PLOD1: variants seen among roughly 807,000 people sequenced by gnomAD.
PLOD1 encodes lysine hydroxylase.
A neutral mutation model predicts 94.7 loss-of-function variants in PLOD1; 70 were observed. That is an observed-to-expected ratio of 0.74 (90% confidence interval 0.61 to 0.90). PLOD1 has a LOEUF of 0.90. Among genes scored for constraint, PLOD1 ranks in the 40% least tolerant of loss-of-function variants. The pLI, the probability that PLOD1 is intolerant of heterozygous loss-of-function variation, is 0.00. For missense variants in PLOD1, 905 were observed against 972.7 expected (o/e 0.93, Z 0.93); for synonymous variants, 417 against 400.2 (o/e 1.04, Z -0.50).
In PLOD1 at chr1:11,948,075, G is replaced by C. The variant is rs767453933; in HGVS notation, c.168+8G>C. 1.3e-6 allele frequency: 2 copies of C among 1,593,826 alleles called. No homozygotes were observed. The highest frequency in any genetic ancestry group is 1.7e-6 in the Non-Finnish European group (2 of 1,161,536). On this transcript the variant is annotated splice_region_variant and intron_variant, in intron 2 of 18. Coordinates refer to ENST00000196061, the MANE Select transcript of PLOD1 (RefSeq NM_000302.4). ...TTCAACTACAAGATCCAGGTAAGGG[G>C]TTTCCTGGGTGAGGCAGAGACAGTG...
rs1198690797 is a variant in PLOD1 at position 11,960,643 on chromosome 1, C to T, written c.976-3C>T. On this transcript the variant is annotated splice_polypyrimidine_tract_variant and splice_region_variant and intron_variant, in intron 9 of 18. Coordinates refer to ENST00000196061, the MANE Select transcript of PLOD1 (RefSeq NM_000302.4). ...GCATCCCCTTCCCCATCCCCAACCC[C>T]AGGAGCAGCACCACAAGGCTCAGGT... 10 of 1,611,172 alleles carry T rather than the reference C, an allele frequency of 6.2e-6. No homozygotes were observed. The highest frequency in any genetic ancestry group is 2.0e-4 in the Middle Eastern group (1 of 4,948).
At chr1:11,961,237 T>C (rs1350672600) in intron 10 of PLOD1, among the ~76,000 whole-genome samples, 2 of 148,320 alleles carry the variant, frequency 1.3e-5, no homozygotes, top group Non-Finnish European at 3.0e-5. Context: ...TAAAAAAAAA[T>C]AGCCAAGTGT....
chr1:11,935,355 A>T (rs1439248617), intron 1 of PLOD1, among the ~76,000 whole-genome samples: 2 of 152,016 alleles, frequency 1.3e-5, no homozygotes, highest in Non-Finnish European at 2.9e-5. Flanking sequence ...CATGGGAATG[A>T]GGGGTCTTGA....
At chr1:11,951,621 TTATATAATA>T (rs1645702850) in intron 4 of PLOD1, among the ~76,000 whole-genome samples, 1 of 146,220 alleles carries the variant, frequency 6.8e-6, no homozygotes, top group South Asian at 2.1e-4. Context: ...ATATAATAAT[TTATATAATA>T]TATATAATAT....
intron 16 of PLOD1, among the ~76,000 whole-genome samples, chr1:11,967,739 TTTAATTAA>T (rs202048268): frequency 0.027 from 4,045 of 147,638 alleles, 170 homozygotes; most frequent in African/African-American, 0.086. Flanking sequence ...TTTTATTTAT[TTTAATTAA>T]TTAATTAATT....
At chr1:11,942,970 G>A (rs1569671056) in intron 1 of PLOD1, among the ~76,000 whole-genome samples, 1 of 149,740 alleles carries the variant, frequency 6.7e-6, no homozygotes, top group Non-Finnish European at 1.5e-5. Context: ...AGTTTTTTTT[G>A]TTTGTTTGGT....
intron 17 of PLOD1, among the ~76,000 whole-genome samples, chr1:11,971,364 G>A (rs1256086609): frequency 1.3e-5 from 2 of 151,022 alleles, no homozygotes; most frequent in African/African-American, 2.4e-5. Flanking sequence ...TTGGTCCCCA[G>A]GCAGGAGTGA....
At chr1:11,947,284 G>T (rs1367354571) in intron 1 of PLOD1, among the ~76,000 whole-genome samples, 1 of 149,684 alleles carries the variant, frequency 6.7e-6, no homozygotes, top group Non-Finnish European at 1.5e-5. Context: ...AAACAACCCA[G>T]CTCTCTTGGT....
intron 1 of PLOD1, among the ~76,000 whole-genome samples, chr1:11,935,475 C>T (rs1214803779): frequency 6.6e-6 from 1 of 152,136 alleles, no homozygotes; most frequent in Non-Finnish European, 1.5e-5. Context: ...GGTGGTCTTC[C>T]TCTCTGCAGT....
intron 2 of PLOD1, among the ~76,000 whole-genome samples, chr1:11,948,903 A>G (rs975024817): frequency 1.1e-4 from 16 of 152,310 alleles, no homozygotes; most frequent in African/African-American, 3.8e-4. Flanking sequence ...CAATAGGGTG[A>G]TGGACAATAC....
At position 11,946,414 on chromosome 1, in the gene PLOD1, G is replaced by A. The variant is rs566664074; in HGVS notation, c.77-1562G>A. On this transcript the variant is annotated intron_variant, in intron 1 of 18. Coordinates refer to ENST00000196061, the MANE Select transcript of PLOD1 (RefSeq NM_000302.4). Reference sequence around the variant, plus strand: ...CTGCCCTGGCCAAAGGTCAGCAGTGGACCAGTAGATTTCAAGTCAGTTTCC... The same window carrying A: ...CTGCCCTGGCCAAAGGTCAGCAGTGAACCAGTAGATTTCAAGTCAGTTTCC... Among the ~76,000 whole-genome samples, 3 of 152,292 alleles carry A rather than the reference G, an allele frequency of 2.0e-5. No individual in the cohort carries two copies. In the East Asian group the frequency reaches 5.8e-4, roughly 29 times the overall value.
In PLOD1 at chr1:11,966,311, G is replaced by T. The variant is rs750387880; in HGVS notation, c.1645G>T (p.Glu549Ter). 1.2e-6 allele frequency: 2 copies of T among 1,604,598 alleles called. No homozygotes were observed. ...CAAAGCCCTGGCAGGGAAGCTGGTG[G>T]AGACGGTAAGGGCCATGGACACCCT... ...YTKALAGKLV[E>*]TPCPDVYWFP... The change falls in exon 15 of 19, where the codon GAG becomes TAG. Residue 549 changes from glutamate to a stop codon, truncating the protein, a stop_gained. Transcript: ENST00000196061. LOFTEE classifies it high-confidence loss of function.
chr1:11,971,437 A>C, intron 17 of PLOD1: 1 of 164,876 alleles, frequency 6.1e-6, no homozygotes, highest in Admixed American at 5.8e-5. Flanking sequence ...CTGGGCTGGG[A>C]CTCTAGGGCC....
In PLOD1 at chr1:11,963,630, A is replaced by G. The variant is rs1645794473; in HGVS notation, c.1196A>G (p.Gln399Arg). Residue 399 changes from glutamine to arginine, a missense_variant, in exon 11 of 19, where the codon CAG becomes CGG. By Grantham distance (43) the Gln-to-Arg change is conservative (BLOSUM62 1). Coordinates refer to ENST00000196061, the MANE Select transcript of PLOD1 (RefSeq NM_000302.4). This position sits in a 1 kb window ranked among gnomAD's most constrained non-coding sequence, Gnocchi z 4.3. ...EPNSLRLLIQ[Q>R]NKNVIAPLMT... is the part of the protein sequence containing the mutation. The stretch of plus-strand genomic sequence containing the variant: ...AACAGCCTGCGGCTGCTGATCCAAC[A>G]GAACAAGTGAGGCTGCTCCGTCTGC... 1 of 1,588,318 alleles carries G rather than the reference A, an allele frequency of 6.3e-7. No homozygotes were observed. Among genetic ancestry groups the G allele is most frequent in the Non-Finnish European group, 8.6e-7 (1 of 1,166,670 alleles).
chr1:11,958,192 C>T lies in PLOD1; in HGVS notation c.843+249C>T, dbSNP rs534801415. Among the ~76,000 whole-genome samples, 1 of 152,168 alleles carries T rather than the reference C, an allele frequency of 6.6e-6. No individual in the cohort carries two copies. The highest frequency in any genetic ancestry group is 2.4e-5 in the African/African-American group (1 of 41,514). ...CTTCTGCCTGGTCCTTCAGGCTCTC[C>T]TGCAGCCCCCTCCCCATCCCATGAA... On this transcript the variant is annotated intron_variant, in intron 8 of 18. Coordinates refer to ENST00000196061, the MANE Select transcript of PLOD1 (RefSeq NM_000302.4). This position sits in a 1 kb window ranked among gnomAD's most constrained non-coding sequence, Gnocchi z 4.3.
intron 4 of PLOD1, among the ~76,000 whole-genome samples, chr1:11,951,707 CAGG>C (rs1645703770): frequency 6.7e-6 from 1 of 149,806 alleles, no homozygotes; most frequent in African/African-American, 2.4e-5. Context: ...ATCACGAGGT[CAGG>C]AGATCGAGAC....
At chr1:11,967,351 G>A (rs1232003053) in intron 16 of PLOD1, among the ~76,000 whole-genome samples, 2 of 151,868 alleles carry the variant, frequency 1.3e-5, no homozygotes, top group Non-Finnish European at 2.9e-5. Flanking sequence ...TCAGTTCCTG[G>A]TTTGCTATTG....
At chr1:11,948,666 G>T (rs1645674814) in intron 2 of PLOD1, among the ~76,000 whole-genome samples, 1 of 152,012 alleles carries the variant, frequency 6.6e-6, no homozygotes, top group African/African-American at 2.4e-5. Flanking sequence ...GGAGGCGGAG[G>T]TTGCAGTGAG....
chr1:11,937,631 A>G (rs895881932), intron 1 of PLOD1, among the ~76,000 whole-genome samples: 87 of 152,136 alleles, frequency 5.7e-4, no homozygotes, highest in Non-Finnish European at 9.1e-4. Context: ...GGTGAGTTGA[A>G]TTGAAGAGGG....
Sources: gnomAD v4.1 joint callset for allele counts (sites outside exome capture counted in the v4.1 genomes callset) on GRCh38, gnomAD v4.1.1 for gene constraint, Gnocchi (gnomAD v3.1) non-coding constraint, MANE v1.5 for transcripts, NCBI Gene and HGNC (gene_info 2026-07-23, HGNC 2026-07-21) for gene names.